TM6SF1: variants seen among roughly 807,000 people sequenced by gnomAD.
The protein encoded by TM6SF1 is transmembrane 6 superfamily member 1.
A neutral mutation model predicts 47.1 loss-of-function variants in TM6SF1; 43 were observed. That is an observed-to-expected ratio of 0.91 (90% CI 0.72 to 1.18). The LOEUF (loss-of-function observed/expected upper bound fraction) is 1.18, where lower values mean the gene tolerates loss of function less well. TM6SF1 is among the 50% of genes most tolerant of loss of function. TM6SF1 has a pLI of 0.00. For missense variants in TM6SF1, 390 were observed against 449.0 expected (o/e 0.87, Z 1.19); for synonymous variants, 177 against 166.3 (o/e 1.06, Z -0.49).
intron 9 of TM6SF1, chr15:83,135,184 C>T (rs2151388487): frequency 6.6e-6 from 1 of 152,278 alleles, no homozygotes; most frequent in Middle Eastern, 3.4e-3. Context: ...AAATGCAGCC[C>T]ATTAAAATAT....
intron 9 of TM6SF1, chr15:83,133,668 C>A (rs943800494): frequency 2.0e-5 from 3 of 152,246 alleles, no homozygotes; most frequent in South Asian, 2.1e-4. Context: ...CACTGAGCCA[C>A]CTGACCCCAG....
At position 83,116,918 on chromosome 15, in the gene TM6SF1, T is replaced by C. The variant is rs1259491883; in HGVS notation, c.294+976T>C. Among the ~76,000 whole-genome samples the C allele has an allele frequency of 2.0e-5, 3 of 152,176 alleles. No homozygotes were observed. In the East Asian group the frequency reaches 5.8e-4, roughly 29 times the overall value. On this transcript the variant is annotated intron_variant, in intron 3 of 9. Transcript: ENST00000322019. The stretch of plus-strand genomic sequence containing the variant: ...AGAGAGGGATGACAGGAGGAATTTA[T>C]TTCTGCAGACATTTGTTGAAGGGGA...
intron 2 of TM6SF1, chr15:83,114,593 A>G (rs2034484555): frequency 6.6e-6 from 1 of 152,544 alleles, no homozygotes; most frequent in African/African-American, 2.4e-5. Context: ...TTCTGGGGAG[A>G]ATGTGAATGC....
intron 3 of TM6SF1, among the ~76,000 whole-genome samples, chr15:83,117,719 T>C (rs761039797): frequency 6.6e-6 from 1 of 151,868 alleles, no homozygotes; most frequent in Non-Finnish European, 1.5e-5. Flanking sequence ...CCAGCTGTGA[T>C]AGAGAGGAGA....
chr15:83,112,702 C>A, intron 1 of TM6SF1, 95 bp from the exon 2 acceptor site: 1 of 864,054 alleles, frequency 1.2e-6, no homozygotes, highest in Non-Finnish European at 2.0e-6. Flanking sequence ...ATGAATTATG[C>A]AGCACTAGGA....
In TM6SF1 at chr15:83,126,930, C is replaced by T. The variant is rs543448055; in HGVS notation, c.801+83C>T. The T allele has an allele frequency of 6.8e-5, 73 of 1,068,128 alleles. 2 individuals are homozygous for T. In the South Asian group the frequency reaches 9.5e-4, roughly 14 times the overall value. The allele number at this position is 1,068,128 out of a possible 1,614,324, so 66.2% of individuals were successfully genotyped here. ...GGTCCCAGCTGGGTGCGGTGGCTCA[C>T]GCCTGTAATCCCAGCACTTTGGGAG... On this transcript the variant is annotated intron_variant, in intron 8 of 9. Transcript: ENST00000322019.
chr15:83,114,968 C>T (rs2151341794), intron 2 of TM6SF1: 1 of 152,386 alleles, frequency 6.6e-6, no homozygotes, highest in African/African-American at 2.4e-5. Flanking sequence ...TTTTTAACAT[C>T]ACTAGTCTTT....
chr15:83,115,833 T>G lies in TM6SF1; in HGVS notation c.197-12T>G. 1 of 1,599,098 alleles carries G rather than the reference T, an allele frequency of 6.3e-7. No individual in the cohort carries two copies. The highest frequency in any genetic ancestry group is 8.6e-7 in the Non-Finnish European group (1 of 1,166,264). On this transcript the variant is annotated splice_polypyrimidine_tract_variant and intron_variant, in intron 2 of 9. Transcript: ENST00000322019. ...GCTATTGCTTTTTAAACTGCTGCTT[T>G]CTTTGCTCTAGTGTATGCAGTTTTT... is the stretch of plus-strand genomic sequence containing the variant.
At chr15:83,118,030 G>T (rs1201539251) in intron 3 of TM6SF1, among the ~76,000 whole-genome samples, 6 of 152,174 alleles carry the variant, frequency 3.9e-5, no homozygotes, top group African/African-American at 1.4e-4. Flanking sequence ...TGACCATGTG[G>T]TTTTGACCTT....
At chr15:83,123,864 C>G (rs1340701737) in intron 6 of TM6SF1, among the ~76,000 whole-genome samples, 1 of 152,196 alleles carries the variant, frequency 6.6e-6, no homozygotes, top group African/African-American at 2.4e-5. Flanking sequence ...ACAGTGACAG[C>G]CAGGGCCAAG....
rs369530665 is a variant in TM6SF1 at position 83,123,559 on chromosome 15, C to T, written c.603+681C>T. ...TGAATTACTAGAGATAATCAGAATA[C>T]GACTATTCATTTTACAAAAGATTTT... On this transcript the variant is annotated intron_variant, in intron 6 of 9. Coordinates refer to ENST00000322019, the MANE Select transcript of TM6SF1 (RefSeq NM_023003.5). Among the ~76,000 whole-genome samples, 14 of 152,252 alleles carry T rather than the reference C, an allele frequency of 9.2e-5. No individual in the cohort carries two copies. In the East Asian group the frequency reaches 1.3e-3, roughly 15 times the overall value.
At chr15:83,114,773 G>A (rs545640897) in intron 2 of TM6SF1, 1 of 152,298 alleles carries the variant, frequency 6.6e-6, no homozygotes, top group South Asian at 2.1e-4. Context: ...GTTACAACTT[G>A]AAAATGCAGC....
At chr15:83,113,117 T>C (rs2034344770) in intron 2 of TM6SF1, 2 of 577,904 alleles carry the variant, frequency 3.5e-6, no homozygotes, top group Admixed American at 3.0e-5. Flanking sequence ...CGGTGGAGAG[T>C]TACTGCCAGG....
chr15:83,108,820 G>A (rs746995352), intron 1 of TM6SF1, among the ~76,000 whole-genome samples: 7 of 152,232 alleles, frequency 4.6e-5, no homozygotes, highest in African/African-American at 7.2e-5. Flanking sequence ...CTGCCTGGCC[G>A]CCTGATACAG....
At chr15:83,118,650 G>A (rs1452486258) in intron 3 of TM6SF1, among the ~76,000 whole-genome samples, 2 of 152,154 alleles carry the variant, frequency 1.3e-5, no homozygotes, top group East Asian at 3.9e-4. Flanking sequence ...CTGCTTGCTT[G>A]GCTGATTGAT....
chr15:83,125,712 G>A (rs566371142), intron 7 of TM6SF1, among the ~76,000 whole-genome samples: 19 of 152,288 alleles, frequency 1.2e-4, no homozygotes, highest in South Asian at 4.1e-4. Context: ...CTGTTGGCGC[G>A]CGTAACAGTT....
In TM6SF1 at chr15:83,107,804, G is replaced by A. The variant is rs756482867; in HGVS notation, c.92+32G>A. The A allele has an allele frequency of 7.1e-6, 11 of 1,557,006 alleles. No individual in the cohort carries two copies. Among genetic ancestry groups the A allele is most frequent in the South Asian group, 1.2e-5 (1 of 85,136 alleles). ...GAGCCGGCGCGGCGGGGGTCGCGCC[G>A]AGGGGCGGCGGGAGTTGGCTCGCCG... On this transcript the variant is annotated intron_variant, in intron 1 of 9. Transcript: ENST00000322019. This position sits in a 1 kb window ranked among gnomAD's most constrained non-coding sequence, Gnocchi z 5.6.
At chr15:83,119,895 G>A (rs530989569) in intron 4 of TM6SF1, among the ~76,000 whole-genome samples, 3 of 152,278 alleles carry the variant, frequency 2.0e-5, no homozygotes, top group East Asian at 1.9e-4. Context: ...GTGACAGCTC[G>A]GGCAGACCCT....
At chr15:83,124,519 A>G (rs2035556590) in intron 6 of TM6SF1, among the ~76,000 whole-genome samples, 153 bp from the exon 7 acceptor site, 2 of 152,188 alleles carry the variant, frequency 1.3e-5, no homozygotes, top group South Asian at 4.1e-4. Flanking sequence ...GAGGAAGGAA[A>G]TGATTTTCCT....
Sources: gnomAD v4.1 joint callset for allele counts (sites outside exome capture counted in the v4.1 genomes callset) on GRCh38, gnomAD v4.1.1 for gene constraint, Gnocchi (gnomAD v3.1) non-coding constraint, MANE v1.5 for transcripts, NCBI Gene and HGNC (gene_info 2026-07-23, HGNC 2026-07-21) for gene names.